The following FAM53A variants were observed in gnomAD, a reference collection of about 807,000 sequenced individuals.
FAM53A encodes protein FAM53A.
FAM53A carries 28 observed loss-of-function variants against 26.6 expected under a neutral mutation model. That is an observed-to-expected ratio of 1.05 (90% CI 0.78 to 1.45). The LOEUF is 1.45. Ranked by LOEUF, FAM53A falls within the 40% of genes most tolerant of loss-of-function variation. FAM53A has a pLI of 0.00. For missense variants in FAM53A, 650 were observed against 575.8 expected, an observed-to-expected ratio of 1.13 and a Z score of -1.32; for synonymous variants, 290 against 253.1, an observed-to-expected ratio of 1.15 and a Z score of -1.38.
At chr4:1,644,346 G>C (rs1178224356) in intron 4 of FAM53A, 5 of 1,535,660 alleles carry the variant, frequency 3.3e-6, no homozygotes, top group East Asian at 4.9e-5. Flanking sequence ...TGTGCGGCTA[G>C]AGCGTGAAAA....
chr4:1,643,232 C>T (rs557929529), intron 4 of FAM53A, among the ~76,000 whole-genome samples: 11 of 152,178 alleles, frequency 7.2e-5, no homozygotes, highest in East Asian at 5.8e-4. Context: ...TTTGGGAGGC[C>T]GGGGCGGGCG....
intron 1 of FAM53A, among the ~76,000 whole-genome samples, chr4:1,680,319 C>CAAAAAAAAAAA (rs143458191): frequency 1.2e-5 from 1 of 82,662 alleles, no homozygotes; most frequent in African/African-American, 6.0e-5. Context: ...AACTCCGTCT[C>CAAAAAAAAAAA]AAAAAAAAAA....
chr4:1,637,396 C>A (rs116201397), downstream of FAM53A, among the ~76,000 whole-genome samples: 1 of 152,096 alleles, frequency 6.6e-6, no homozygotes, highest in Non-Finnish European at 1.5e-5. Context: ...CTGGAGGGAA[C>A]GGTTGGGGGT....
chr4:1,653,226 T>G (rs553027906), intron 4 of FAM53A, among the ~76,000 whole-genome samples: 2 of 152,226 alleles, frequency 1.3e-5, no homozygotes, highest in Non-Finnish European at 2.9e-5. Context: ...CGGGTGTCCA[T>G]GAGCCCTGGT....
chr4:1,644,438 T>G, intron 4 of FAM53A: 1 of 1,445,036 alleles, frequency 6.9e-7, no homozygotes, highest in Non-Finnish European at 9.2e-7. Flanking sequence ...GCTGTACAGC[T>G]CAGCGCCCAA....
intron 1 of FAM53A, among the ~76,000 whole-genome samples, chr4:1,672,752 G>C (rs1015417778): frequency 7.5e-6 from 1 of 133,478 alleles, no homozygotes; most frequent in Non-Finnish European, 1.6e-5. Context: ...ACAGGAACCT[G>C]AATTTCCTTT....
chr4:1,612,651 G>A, the FAM53A span, among the ~76,000 whole-genome samples: 2 of 152,154 alleles, frequency 1.3e-5, no homozygotes, highest in Non-Finnish European at 2.9e-5. Flanking sequence ...CACACGCCCA[G>A]GCCTGCCGCA....
chr4:1,648,399 G>A (rs1424995236), intron 4 of FAM53A, among the ~76,000 whole-genome samples: 1 of 152,158 alleles, frequency 6.6e-6, no homozygotes, highest in Non-Finnish European at 1.5e-5. Context: ...GTGGGAGCCA[G>A]TTTTTGGGTG....
chr4:1,651,242 T>G (rs1288785796), intron 4 of FAM53A, among the ~76,000 whole-genome samples: 1 of 131,072 alleles, frequency 7.6e-6, no homozygotes, highest in East Asian at 2.3e-4. Flanking sequence ...AAAAAAAAAT[T>G]AAGAGAGGGC....
the FAM53A span, among the ~76,000 whole-genome samples, chr4:1,612,672 G>A: frequency 2.6e-5 from 4 of 152,162 alleles, no homozygotes; most frequent in Non-Finnish European, 4.4e-5. Flanking sequence ...TGTGACACAC[G>A]TGTGCTCACA....
downstream of FAM53A, among the ~76,000 whole-genome samples, chr4:1,637,235 G>A (rs1715884597): frequency 6.6e-6 from 1 of 152,118 alleles, no homozygotes; most frequent in Non-Finnish European, 1.5e-5. Flanking sequence ...CCAGGATAAG[G>A]AACAAAAAGT....
At chr4:1,628,928 C>A (rs1715484544) in intron 1 of FAM53A, among the ~76,000 whole-genome samples, 1 of 151,838 alleles carries the variant, frequency 6.6e-6, no homozygotes, top group South Asian at 2.1e-4. Flanking sequence ...ATAAGGGGGC[C>A]TTGGAACACC....
the FAM53A span, among the ~76,000 whole-genome samples, chr4:1,607,144 A>G: frequency 6.6e-6 from 1 of 151,966 alleles, no homozygotes; most frequent in African/African-American, 2.4e-5. Context: ...TCAGCCTCCC[A>G]AGTAGCTGGG....
At chr4:1,644,029 T>TG (rs1320527768) in intron 4 of FAM53A, among the ~76,000 whole-genome samples, 1 of 152,220 alleles carries the variant, frequency 6.6e-6, no homozygotes, top group Admixed American at 6.5e-5. Flanking sequence ...GCTGGGCCCC[T>TG]GCTGGATGGC....
At chr4:1,624,884 G>A (rs1715211349) in intron 1 of FAM53A, among the ~76,000 whole-genome samples, 2 of 151,404 alleles carry the variant, frequency 1.3e-5, no homozygotes, top group African/African-American at 4.9e-5. Flanking sequence ...GTGGTCAGGG[G>A]TCACACCAGG....
At chr4:1,576,721 G>A in the FAM53A span, among the ~76,000 whole-genome samples, 5 of 152,246 alleles carry the variant, frequency 3.3e-5, no homozygotes, top group Non-Finnish European at 5.9e-5. Flanking sequence ...ACTGTGCCCC[G>A]GCTGGGGCCA....
the FAM53A span, among the ~76,000 whole-genome samples, chr4:1,585,596 C>T: frequency 0.73 from 110,661 of 152,000 alleles, 40,508 homozygotes; most frequent in East Asian, 0.81. Context: ...ATGTCTCTAC[C>T]CTCTACATCT....
the FAM53A span, among the ~76,000 whole-genome samples, chr4:1,595,287 CT>C: frequency 6.6e-6 from 1 of 152,218 alleles, no homozygotes; most frequent in South Asian, 2.1e-4. Context: ...CCACCGGCTC[CT>C]CTTTGTACAG....
chr4:1,597,465 T>G, the FAM53A span, among the ~76,000 whole-genome samples: 1 of 152,128 alleles, frequency 6.6e-6, no homozygotes, highest in African/African-American at 2.4e-5. Flanking sequence ...CCAGGAACCA[T>G]GCTGCTGGGC....
Sources: allele counts gnomAD v4.1 joint callset (sites outside exome capture counted in the v4.1 genomes callset), GRCh38; gene constraint gnomAD v4.1.1; transcripts MANE v1.5; gene names NCBI Gene and HGNC (gene_info 2026-07-23, HGNC 2026-07-21).